Variants in DCAF8 observed in about 807,000 individuals in gnomAD.
DCAF8 encodes the protein DDB1- and CUL4-associated factor 8.
A neutral mutation model predicts 68.0 loss-of-function variants in DCAF8; 20 were observed. That is an observed-to-expected ratio of 0.29 (90% CI 0.21 to 0.43). The LOEUF (loss-of-function observed/expected upper bound fraction) is 0.43, where lower values mean the gene tolerates loss of function less well. DCAF8 is among the 20% of genes least tolerant of loss of function. The pLI, the probability that DCAF8 is intolerant of heterozygous loss-of-function variation, is 1.00. For synonymous variants in DCAF8, 230 were observed against 276.9 expected, an observed-to-expected ratio of 0.83 and a Z score of 1.68; for missense variants, 460 against 771.0, an observed-to-expected ratio of 0.60 and a Z score of 4.78.
rs1657149846 is a variant in DCAF8, at chr1:160,262,513, T to C, written c.-165A>G. ...GCGCTTGCGCCTGCGCTGCCACGCT[T>C]TCCGGCCCCGTTTGCGACGATGTGC... On this transcript the variant is annotated 5_prime_UTR_variant, in exon 1 of 14. Coordinates refer to ENST00000368074, the MANE Select transcript of DCAF8 (RefSeq NM_015726.4). 4 of 399,366 alleles carry C rather than the reference T, an allele frequency of 1.0e-5. No individual in the cohort carries two copies. Among genetic ancestry groups the C allele is most frequent in the Non-Finnish European group, 1.8e-5 (4 of 226,212 alleles). The allele number at this position is 399,366 out of a possible 1,614,324, so 24.7% of individuals were successfully genotyped here.
At chr1:160,217,953 A>G (rs1041628106) in intron 13 of DCAF8, 57 of 510,576 alleles carry the variant, frequency 1.1e-4, no homozygotes, top group Non-Finnish European at 1.8e-4. Context: ...ATGAAACTTT[A>G]TTTACAAAAA....
intron 7 of DCAF8, among the ~76,000 whole-genome samples, chr1:160,228,898 C>T (rs984389917): frequency 2.6e-5 from 4 of 152,160 alleles, no homozygotes; most frequent in Non-Finnish European, 5.9e-5. Flanking sequence ...TCAAAACATT[C>T]AGTTGGCTGC....
At chr1:160,240,405 A>T (rs557935401) in intron 3 of DCAF8, 35 bp from the exon 4 acceptor site, 35 of 1,540,480 alleles carry the variant, frequency 2.3e-5, no homozygotes, top group Admixed American at 1.2e-4. Context: ...GAGGAGAGGG[A>T]AAAATAAGAA....
chr1:160,250,267 C>A (rs1331729295), intron 2 of DCAF8, among the ~76,000 whole-genome samples: 1 of 152,038 alleles, frequency 6.6e-6, no homozygotes, highest in East Asian at 1.9e-4. Flanking sequence ...AGTTCGAGAC[C>A]AGCCTGACCA....
At position 160,243,997 on chromosome 1, in the gene DCAF8, T is replaced by G. The variant is rs1415727667; in HGVS notation, c.12A>C (p.Lys4Asn). 1.2e-6 allele frequency: 2 copies of G among 1,614,036 alleles called. No homozygotes were observed. The highest frequency in any genetic ancestry group is 2.7e-5 in the African/African-American group (2 of 74,920). MSS[K>N]GSSTDGRTDL... ...CTGTTCTGCCATCTGTGCTGCTCCC[T>G]TTGCTGGACATCTTGAATGATGTTT... is the stretch of plus-strand genomic sequence containing the variant. Residue 4 changes from lysine to asparagine, a missense_variant, in exon 3 of 14, where the codon AAA becomes AAC. By Grantham distance (94) the Lys-to-Asn change is moderately conservative. Transcript: ENST00000368074.
At position 160,261,318 on chromosome 1, in the gene DCAF8, C is replaced by G. The variant is rs1320247689; in HGVS notation, c.-60G>C. On this transcript the variant is annotated 5_prime_UTR_variant, in exon 2 of 14. Coordinates refer to ENST00000368074, the MANE Select transcript of DCAF8 (RefSeq NM_015726.4). ...CTTTTATCACTGAAGTAAGGCCAGG[C>G]TGAGCTCCTGAGAAAATAGGTCTGT... 1 of 152,192 alleles carries G rather than the reference C, an allele frequency of 6.6e-6. No individual in the cohort carries two copies. The highest frequency in any genetic ancestry group is 1.9e-4 in the East Asian group (1 of 5,202). The allele number at this position is 152,192 out of a possible 1,614,324, so 9.4% of individuals were successfully genotyped here.
chr1:160,254,490 G>C (rs555859053), intron 2 of DCAF8, among the ~76,000 whole-genome samples: 1 of 149,832 alleles, frequency 6.7e-6, no homozygotes, highest in Non-Finnish European at 1.5e-5. Context: ...TCTTGGCTTT[G>C]AAAAGCCCTG....
intron 2 of DCAF8, among the ~76,000 whole-genome samples, chr1:160,247,862 TCA>T (rs1656404210): frequency 6.6e-6 from 1 of 152,044 alleles, no homozygotes; most frequent in South Asian, 2.1e-4. Flanking sequence ...TCAAAATGAA[TCA>T]CAGACCTAAA....
chr1:160,231,473 G>A, intron 6 of DCAF8, 66 bp from the exon 7 acceptor site: 1 of 1,122,370 alleles, frequency 8.9e-7, no homozygotes, highest in African/African-American at 1.5e-5. Context: ...TGGCAAAGGA[G>A]AGCCAAGAGA....
intron 6 of DCAF8, among the ~76,000 whole-genome samples, chr1:160,236,528 A>C (rs1294232761): frequency 6.6e-6 from 1 of 152,158 alleles, no homozygotes; most frequent in Non-Finnish European, 1.5e-5. Flanking sequence ...AGCAAGGCTG[A>C]AGAAAATGAG....
intron 8 of DCAF8, 102 bp downstream of exon 8, chr1:160,225,489 G>A (rs780947541): frequency 3.9e-5 from 35 of 891,208 alleles, no homozygotes; most frequent in Non-Finnish European, 5.1e-5. Flanking sequence ...CCAGATGACT[G>A]ACTTGAAAGT....
At chr1:160,262,414 G>C in intron 1 of DCAF8, 35 bp downstream of exon 1, 1 of 400,716 alleles carries the variant, frequency 2.5e-6, no homozygotes, top group Non-Finnish European at 4.4e-6. Context: ...CAGCCGCCCC[G>C]TCCACTGCCA....
At chr1:160,256,267 T>A (rs115798383) in intron 2 of DCAF8, among the ~76,000 whole-genome samples, 94 of 152,290 alleles carry the variant, frequency 6.2e-4, no homozygotes, top group African/African-American at 2.0e-3. Flanking sequence ...CAGAAGTCTG[T>A]TGCCATTAAC....
rs767163915 is a variant in DCAF8 at position 160,222,653 on chromosome 1, C to T, written c.1438G>A (p.Val480Met). Residue 480 changes from valine to methionine, a missense_variant and splice_region_variant, in exon 11 of 14, where the codon GTG (valine) becomes ATG (methionine). By Grantham distance (21) the Val-to-Met change is conservative. Coordinates refer to ENST00000368074, the MANE Select transcript of DCAF8 (RefSeq NM_015726.4). ...CCAGCTCAGCACACCATACTCACCA[C>T]GCCTCCCTTGTCCCCCTCCATGAAC... ...IQFMEGDKGG[V>M]VNCLEPHPHL... 2.5e-6 allele frequency: 4 copies of T among 1,614,108 alleles called. No homozygotes were observed. Among genetic ancestry groups the T allele is most frequent in the South Asian group, 1.1e-5 (1 of 91,074 alleles).
chr1:160,218,129 G>A (rs1655184804), intron 13 of DCAF8, 195 bp downstream of exon 13: 1 of 644,424 alleles, frequency 1.6e-6, no homozygotes, highest in African/African-American at 1.8e-5. Context: ...GGACGGCAAT[G>A]GACAAAAGTA....
intron 6 of DCAF8, among the ~76,000 whole-genome samples, chr1:160,236,225 G>C (rs1655869934): frequency 6.6e-6 from 1 of 151,640 alleles, no homozygotes; most frequent in Non-Finnish European, 1.5e-5. Flanking sequence ...ATCAATTTCA[G>C]CCATGGTGTT....
intron 2 of DCAF8, among the ~76,000 whole-genome samples, chr1:160,246,274 C>T (rs769306502): frequency 5.9e-5 from 9 of 152,346 alleles, no homozygotes; most frequent in Admixed American, 3.3e-4. Flanking sequence ...CTATTATCCA[C>T]TCCCAGAGAA....
chr1:160,246,248 C>T (rs1384746154), intron 2 of DCAF8, among the ~76,000 whole-genome samples: 1 of 152,134 alleles, frequency 6.6e-6, no homozygotes, highest in African/African-American at 2.4e-5. Flanking sequence ...AACTCTTTAC[C>T]ATACGTTTCA....
chr1:160,237,164 G>A lies in DCAF8; in HGVS notation c.930C>T (p.Thr310=). The change falls in exon 6 of 14, where the codon ACC becomes ACT. Residue 310 remains threonine (T), a synonymous_variant. Transcript: ENST00000368074. ...CTGGGCGGTCTTGTCTCAGGTCAAT[G>A]GTGAAAACAACTGCATCTTCACCTG... The part of the protein sequence containing the change: ...LSAGEDAVVF[T]IDLRQDRPAS... 43 of 1,575,548 alleles carry A rather than the reference G, an allele frequency of 2.7e-5. No homozygotes were observed. The highest frequency in any genetic ancestry group is 3.7e-5 in the Non-Finnish European group (43 of 1,158,208).
Sources: allele counts gnomAD v4.1 joint callset (sites outside exome capture counted in the v4.1 genomes callset), GRCh38; gene constraint gnomAD v4.1.1; transcripts MANE v1.5; gene names NCBI Gene and HGNC (gene_info 2026-07-23, HGNC 2026-07-21).